MTA3: variants seen among roughly 807,000 people sequenced by gnomAD.
The protein encoded by MTA3 is metastasis-associated protein MTA3.
MTA3 carries 34 observed loss-of-function variants against 83.5 expected under a neutral mutation model. That is an observed-to-expected ratio of 0.41 (90% CI 0.31 to 0.54). MTA3 has a LOEUF of 0.54. Among genes scored for constraint, MTA3 ranks in the 20% least tolerant of loss-of-function variants. MTA3 has a pLI of 0.33. For synonymous variants in MTA3, 303 were observed against 252.7 expected (o/e 1.20, Z -1.89); for missense variants, 761 against 726.4 (o/e 1.05, Z -0.55).
intron 15 of MTA3, among the ~76,000 whole-genome samples, chr2:42,721,246 C>G (rs1217536123): frequency 6.6e-6 from 1 of 151,432 alleles, no homozygotes; most frequent in East Asian, 1.9e-4. Context: ...AACAATAAAA[C>G]AAAGGATTAG....
chr2:42,627,933 G>A (rs1206529753), intron 4 of MTA3, among the ~76,000 whole-genome samples: 1 of 151,748 alleles, frequency 6.6e-6, no homozygotes, highest in Non-Finnish European at 1.5e-5. Context: ...TGCCCAGGCT[G>A]GAGTGCAGCG....
intron 15 of MTA3, among the ~76,000 whole-genome samples, chr2:42,719,892 G>A (rs1340826269): frequency 6.6e-6 from 1 of 152,092 alleles, no homozygotes; most frequent in African/African-American, 2.4e-5. Context: ...CAAAATAATG[G>A]TTTTTCACAT....
intron 2 of MTA3, among the ~76,000 whole-genome samples, chr2:42,551,186 T>TTGG (rs1677094121): frequency 1.3e-5 from 2 of 151,896 alleles, no homozygotes; most frequent in African/African-American, 4.8e-5. Context: ...TCTTTTTTTT[T>TTGG]TTTGTTTGTT....
chr2:42,570,596 A>T (rs1678352938), intron 2 of MTA3, 92 bp downstream of exon 2: 3 of 648,838 alleles, frequency 4.6e-6, no homozygotes, highest in African/African-American at 3.7e-5. Flanking sequence ...GTGGGGGCTC[A>T]TGCCTGCAAT....
At chr2:42,523,378 C>T (rs1004230194) in intron 2 of MTA3, among the ~76,000 whole-genome samples, 5 of 152,092 alleles carry the variant, frequency 3.3e-5, no homozygotes, top group African/African-American at 7.2e-5. Flanking sequence ...GAGACCAGGC[C>T]CTTAATTGAA....
rs117610134 is a variant in MTA3 at position 42,717,053 on chromosome 2, T to G, written c.1526-1935T>G. On this transcript the variant is annotated intron_variant, in intron 14 of 16. Transcript: ENST00000405094. ...TAGTGTGAAATAGTATCTCATTGTG[T>G]TTTTTTTAACCACAATGAGAATTTT... Among the ~76,000 whole-genome samples the G allele has an allele frequency of 1.4e-3, 217 of 151,882 alleles. 3 individuals carry two copies. The East Asian group carries it at 0.029, about 20-fold the overall frequency.
intron 2 of MTA3, among the ~76,000 whole-genome samples, chr2:42,528,218 C>T (rs1675805630): frequency 3.7e-5 from 5 of 135,184 alleles, no homozygotes; most frequent in Admixed American, 3.6e-4. Flanking sequence ...AGCCACCGTG[C>T]CCGGCCCCCT....
At chr2:42,734,488 TTTTTA>T (rs1452543279) in intron 16 of MTA3, among the ~76,000 whole-genome samples, 16 of 150,400 alleles carry the variant, frequency 1.1e-4, no homozygotes, top group African/African-American at 2.9e-4. Flanking sequence ...TTTTTTTTTT[TTTTTA>T]ATCCATTCAA....
intron 2 of MTA3, among the ~76,000 whole-genome samples, chr2:42,559,845 C>G (rs1023162624): frequency 2.0e-5 from 3 of 151,714 alleles, no homozygotes; most frequent in Non-Finnish European, 4.4e-5. Flanking sequence ...TTGCAGTAAG[C>G]CGAGATTGAG....
intron 2 of MTA3, among the ~76,000 whole-genome samples, chr2:42,550,161 A>G (rs892871623): frequency 1.3e-5 from 2 of 152,204 alleles, no homozygotes; most frequent in Admixed American, 1.3e-4. Context: ...ATCTACCATA[A>G]GAACAAATCT....
At chr2:42,711,951 A>G (rs890453600) in intron 14 of MTA3, among the ~76,000 whole-genome samples, 1 of 152,128 alleles carries the variant, frequency 6.6e-6, no homozygotes, top group Non-Finnish European at 1.5e-5. Context: ...CAAAATATTG[A>G]TGGATCTAGA....
chr2:42,555,864 G>C (rs976142018), intron 2 of MTA3, among the ~76,000 whole-genome samples: 1 of 152,090 alleles, frequency 6.6e-6, no homozygotes, highest in Non-Finnish European at 1.5e-5. Flanking sequence ...CTGAGGTCAG[G>C]AGTTCGAGAT....
chr2:42,671,040 T>C (rs982929429), intron 8 of MTA3, among the ~76,000 whole-genome samples: 4 of 152,132 alleles, frequency 2.6e-5, no homozygotes, highest in African/African-American at 9.7e-5. Flanking sequence ...CATTTAGTTG[T>C]TGTATCTTCA....
intron 4 of MTA3, among the ~76,000 whole-genome samples, chr2:42,621,882 C>T (rs983788394): frequency 4.0e-5 from 6 of 150,900 alleles, no homozygotes; most frequent in African/African-American, 1.5e-4. Flanking sequence ...AGATGCTCCT[C>T]ACTTCCTAGA....
At chr2:42,611,164 T>TA (rs1684155456) in intron 4 of MTA3, among the ~76,000 whole-genome samples, 1 of 151,886 alleles carries the variant, frequency 6.6e-6, no homozygotes, top group Non-Finnish European at 1.5e-5. Context: ...TGTATTTTTT[T>TA]AGTAGAGACA....
intron 3 of MTA3, among the ~76,000 whole-genome samples, chr2:42,589,371 A>T (rs564688784): frequency 6.6e-6 from 1 of 152,280 alleles, no homozygotes; most frequent in Admixed American, 6.5e-5. Context: ...AATTCTTGGA[A>T]CTGTGGATTT....
At chr2:42,648,893 C>A (rs1233625446) in intron 6 of MTA3, among the ~76,000 whole-genome samples, 1 of 152,090 alleles carries the variant, frequency 6.6e-6, no homozygotes, top group Non-Finnish European at 1.5e-5. Flanking sequence ...TTTGGGTAAT[C>A]CTGACTATAC....
chr2:42,567,877 CT>C (rs1181838723), upstream of MTA3, among the ~76,000 whole-genome samples: 1 of 152,174 alleles, frequency 6.6e-6, no homozygotes, highest in Non-Finnish European at 1.5e-5. Context: ...CTAAAGGTCC[CT>C]TTTCCCAGCA....
At chr2:42,695,964 AAC>A (rs1277667147) in intron 10 of MTA3, 125 bp downstream of exon 10, 3 of 595,602 alleles carry the variant, frequency 5.0e-6, no homozygotes, top group Non-Finnish European at 5.9e-6. Flanking sequence ...GACTACTTTA[AAC>A]TACATGATTT....
Sources: gnomAD v4.1 joint callset for allele counts (sites outside exome capture counted in the v4.1 genomes callset) on GRCh38, gnomAD v4.1.1 for gene constraint, MANE v1.5 for transcripts, NCBI Gene and HGNC (gene_info 2026-07-23, HGNC 2026-07-21) for gene names.